The following PIP5K1C variants were observed in gnomAD, a reference collection of about 807,000 sequenced individuals.
The protein encoded by PIP5K1C is phosphatidylinositol-4-phosphate 5-kinase type 1 gamma.
PIP5K1C carries 45 observed loss-of-function variants against 80.1 expected under a neutral mutation model. That is an observed-to-expected ratio of 0.56 (90% CI 0.44 to 0.72). The LOEUF is 0.72. Among genes scored for constraint, PIP5K1C ranks in the 30% least tolerant of loss-of-function variants. PIP5K1C has a pLI of 0.00. For missense variants in PIP5K1C, 753 were observed against 954.6 expected, an observed-to-expected ratio of 0.79 and a Z score of 2.78; for synonymous variants, 498 against 420.1, an observed-to-expected ratio of 1.19 and a Z score of -2.27.
At chr19:3,698,734 T>C (rs1387661938) in intron 1 of PIP5K1C, among the ~76,000 whole-genome samples, 2 of 152,162 alleles carry the variant, frequency 1.3e-5, no homozygotes, top group African/African-American at 2.4e-5. Flanking sequence ...GGCCCCTTTA[T>C]GTGCTCACGT....
chr19:3,685,399 T>C (rs1390231445), intron 1 of PIP5K1C, among the ~76,000 whole-genome samples: 1 of 152,120 alleles, frequency 6.6e-6, no homozygotes, highest in African/African-American at 2.4e-5. Flanking sequence ...CAGGGGCTGG[T>C]ATACCACAGT....
chr19:3,662,029 C>T, intron 3 of PIP5K1C, 28 bp from the exon 4 acceptor site: 2 of 1,560,380 alleles, frequency 1.3e-6, no homozygotes, highest in Non-Finnish European at 1.7e-6. Context: ...TGTCAGGGCC[C>T]CCGGCTGCTC....
chr19:3,699,548 T>C (rs541040380), intron 1 of PIP5K1C, among the ~76,000 whole-genome samples: 1 of 152,124 alleles, frequency 6.6e-6, no homozygotes, highest in Non-Finnish European at 1.5e-5. Context: ...ATTTTGTGAA[T>C]CCGGAAACTT....
chr19:3,699,467 GAGA>G (rs1400322628), intron 1 of PIP5K1C, among the ~76,000 whole-genome samples: 3 of 152,336 alleles, frequency 2.0e-5, no homozygotes, highest in East Asian at 1.9e-4. Context: ...GGCCTGGGGG[GAGA>G]AGGAGGACGG....
intron 5 of PIP5K1C, among the ~76,000 whole-genome samples, chr19:3,657,269 C>T (rs894337006): frequency 2.6e-5 from 4 of 152,178 alleles, no homozygotes; most frequent in African/African-American, 9.7e-5. Context: ...AAGGTCCGTG[C>T]AGGTGGAAGT....
intron 1 of PIP5K1C, among the ~76,000 whole-genome samples, chr19:3,697,381 CGGA>C (rs2036155547): frequency 1.3e-5 from 2 of 149,956 alleles, no homozygotes; most frequent in Non-Finnish European, 1.5e-5. Flanking sequence ...CTGAGCCAGA[CGGA>C]GGAGGACTGA....
chr19:3,644,116 G>C lies in PIP5K1C; in HGVS notation c.1481C>G (p.Ala494Gly). The change falls in exon 12 of 18, where the codon GCC becomes GGC. Residue 494 changes from alanine (A) to glycine (G), a missense_variant. Physicochemically the swap from Ala to Gly is moderately conservative, Grantham distance 60. Coordinates refer to ENST00000335312, the MANE Select transcript of PIP5K1C (RefSeq NM_012398.3). Reference sequence around the variant, plus strand: ...GTCCTCCAGCGTGGGGTAGCTGCGGGCCCCCCGCAGGTCGTACTGGGCCTC... The same window carrying C: ...GTCCTCCAGCGTGGGGTAGCTGCGGCCCCCCCGCAGGTCGTACTGGGCCTC... The part of the protein sequence containing the change: ...REEAQYDLRG[A>G]RSYPTLEDEG... 4 of 1,611,350 alleles carry C rather than the reference G, an allele frequency of 2.5e-6. No individual in the cohort carries two copies. The highest frequency in any genetic ancestry group is 3.4e-6 in the Non-Finnish European group (4 of 1,179,838).
chr19:3,685,646 C>T lies in PIP5K1C; in HGVS notation c.94+14651G>A, dbSNP rs1000431643. 1.7e-4 allele frequency among the ~76,000 whole-genome samples: 26 copies of T among 151,656 alleles called. 1 individual carries two copies. The highest frequency in any genetic ancestry group is 4.1e-4 in the African/African-American group (17 of 41,374). ...TCGGGAGGCTGAGGCAGGAGAATGG[C>T]GTGAACCCGGGAGGCGGAGCTTGCA... is the stretch of plus-strand genomic sequence containing the variant. On this transcript the variant is annotated intron_variant, in intron 1 of 17. Coordinates refer to ENST00000335312, the MANE Select transcript of PIP5K1C (RefSeq NM_012398.3).
intron 6 of PIP5K1C, 31 bp downstream of exon 6, chr19:3,656,374 A>G: frequency 6.2e-7 from 1 of 1,611,926 alleles, no homozygotes; most frequent in Non-Finnish European, 8.5e-7. Context: ...TTGACCGAGG[A>G]GCCATCTGCC....
At chr19:3,659,431 A>G (rs1163706893) in intron 5 of PIP5K1C, among the ~76,000 whole-genome samples, 3 of 152,240 alleles carry the variant, frequency 2.0e-5, no homozygotes, top group African/African-American at 7.2e-5. Flanking sequence ...GGTGAGACCC[A>G]GATGGCCCCA....
intron 6 of PIP5K1C, among the ~76,000 whole-genome samples, chr19:3,654,315 G>A (rs555157916): frequency 6.6e-6 from 1 of 152,232 alleles, no homozygotes; most frequent in Non-Finnish European, 1.5e-5. Context: ...TGAAGCAACA[G>A]CGCCCCCTGC....
At chr19:3,642,848 C>G (rs2034023939) in intron 14 of PIP5K1C, 59 bp downstream of exon 14, 1 of 1,416,954 alleles carries the variant, frequency 7.1e-7, no homozygotes, top group Non-Finnish European at 1.0e-6. Flanking sequence ...GGAAACGGAG[C>G]TGGGAGCTGT....
At chr19:3,647,495 G>T in intron 9 of PIP5K1C, 109 bp from the exon 10 acceptor site, 1 of 943,868 alleles carries the variant, frequency 1.1e-6, no homozygotes, top group Non-Finnish European at 1.7e-6. Flanking sequence ...ATGGCCTCAA[G>T]CAGTCGTGGC....
At chr19:3,666,743 GCACA>G (rs987777605) in intron 2 of PIP5K1C, among the ~76,000 whole-genome samples, 7 of 145,086 alleles carry the variant, frequency 4.8e-5, no homozygotes, top group African/African-American at 1.0e-4. Context: ...AGGCAAACAT[GCACA>G]CACACAAACG....
intron 1 of PIP5K1C, among the ~76,000 whole-genome samples, chr19:3,698,944 C>T (rs2036208819): frequency 1.3e-5 from 2 of 148,318 alleles, no homozygotes; most frequent in Non-Finnish European, 3.0e-5. Context: ...CCCACCCCCA[C>T]CCCCCCACTC....
chr19:3,673,162 G>A (rs960220364), intron 1 of PIP5K1C, among the ~76,000 whole-genome samples: 3 of 152,016 alleles, frequency 2.0e-5, no homozygotes, highest in Non-Finnish European at 2.9e-5. Context: ...CCAGCCACAC[G>A]GGCCCTCGCT....
rs568589400 is a variant in PIP5K1C, at chr19:3,656,621, C to T, written c.469-64G>A. 1.9e-6 allele frequency: 3 copies of T among 1,581,266 alleles called. No homozygotes were observed. The African/African-American group carries it at 4.0e-5, about 21-fold the overall frequency. On this transcript the variant is annotated intron_variant, in intron 5 of 17. Transcript: ENST00000335312. ...CCGGACACACAGACAGCACTGGCTT[C>T]CGGTCTGCCCAACAGCCCCAGGAAC...
intron 1 of PIP5K1C, among the ~76,000 whole-genome samples, chr19:3,678,890 C>T (rs545110680): frequency 1.8e-3 from 129 of 72,862 alleles, no homozygotes; most frequent in African/African-American, 6.0e-3. Flanking sequence ...GGAGGGATGG[C>T]GGGATGGCAG....
At chr19:3,651,203 G>C (rs1339648724) in intron 8 of PIP5K1C, among the ~76,000 whole-genome samples, 1 of 151,972 alleles carries the variant, frequency 6.6e-6, no homozygotes, top group African/African-American at 2.4e-5. Context: ...ACAGGTGCAC[G>C]TGCCACCACG....
Sources: gnomAD v4.1 joint callset for allele counts (sites outside exome capture counted in the v4.1 genomes callset) on GRCh38, gnomAD v4.1.1 for gene constraint, MANE v1.5 for transcripts, NCBI Gene and HGNC (gene_info 2026-07-23, HGNC 2026-07-21) for gene names.